The following CDCP1 variants were observed in gnomAD, a reference collection of about 807,000 sequenced individuals.
CDCP1 encodes the protein CUB domain-containing protein 1.
A neutral mutation model predicts 60.2 loss-of-function variants in CDCP1; 29 were observed. The observed-to-expected ratio is 0.48, with a 90% CI of 0.36 to 0.66. CDCP1 has a LOEUF of 0.66. Among genes scored for constraint, CDCP1 ranks in the 30% least tolerant of loss-of-function variants. The probability of loss-of-function intolerance (pLI) is 0.00; values close to 1 mark genes in which losing one functional copy is unlikely to be tolerated. For missense variants in CDCP1, 876 were observed against 1,074.3 expected (o/e 0.82, Z 2.58); for synonymous variants, 387 against 431.1 (o/e 0.90, Z 1.27).
At position 45,091,190 on chromosome 3, in the gene CDCP1, A is replaced by C; in HGVS notation, c.1976T>G (p.Leu659Arg). Residue 659 changes from leucine (L) to arginine (R), a missense_variant, in exon 7 of 9, where the codon CTT (leucine) becomes CGT (arginine). Transcript: ENST00000296129. The surrounding 1 kb of genome is among the most constrained non-coding windows in gnomAD (Gnocchi z 4.8). ...KQLDLLFSVT[L>R]TPRTVDLTVI... ...GCCCTTACCCACAGTCCTTGGGGTA[A>C]GTGTCACCGAGAAGAGCAGGTCTAG... The C allele has an allele frequency of 6.2e-7, 1 of 1,612,946 alleles. No individual in the cohort carries two copies. Among genetic ancestry groups the C allele is most frequent in the Non-Finnish European group, 8.5e-7 (1 of 1,179,686 alleles).
At chr3:45,126,433 AC>A (rs1195709891) in intron 1 of CDCP1, among the ~76,000 whole-genome samples, 2 of 152,014 alleles carry the variant, frequency 1.3e-5, no homozygotes, top group African/African-American at 4.8e-5. Flanking sequence ...ACATCGCCAA[AC>A]TTGGAGTCTT....
At position 45,083,046 on chromosome 3, in the gene CDCP1, C is replaced by T. The variant is rs969646339; in HGVS notation, c.*2592G>A. The T allele has an allele frequency of 6.6e-6, 1 of 152,194 alleles. No homozygotes were observed. Among genetic ancestry groups the T allele is most frequent in the African/African-American group, 2.4e-5 (1 of 41,438 alleles). 9.4% of individuals were successfully genotyped at this position (152,194 alleles called of 1,614,324 possible). On this transcript the variant is annotated 3_prime_UTR_variant, in exon 9 of 9. Transcript: ENST00000296129. ...GCAACAGTGATGTCGGTGATGGTGACAAGTAGCCAGCCTAAGGAAGGCCAA... is the reference window on the plus strand; with the variant it reads ...GCAACAGTGATGTCGGTGATGGTGATAAGTAGCCAGCCTAAGGAAGGCCAA...
intron 3 of CDCP1, 34 bp from the exon 4 acceptor site, chr3:45,110,875 G>A: frequency 6.3e-7 from 1 of 1,587,754 alleles, no homozygotes; most frequent in African/African-American, 1.3e-5. Context: ...AGAAAGAATA[G>A]GGAGCCATTA....
chr3:45,136,170 T>C (rs1699187230), intron 1 of CDCP1, among the ~76,000 whole-genome samples: 1 of 152,174 alleles, frequency 6.6e-6, no homozygotes, highest in Non-Finnish European at 1.5e-5. Context: ...AATTCAGGGA[T>C]GTGAAAAACT....
At chr3:45,087,891 G>C (rs986184875) in intron 8 of CDCP1, among the ~76,000 whole-genome samples, 1 of 152,072 alleles carries the variant, frequency 6.6e-6, no homozygotes, top group Non-Finnish European at 1.5e-5. Flanking sequence ...GCGTGGTGGC[G>C]GGTGCCTGTA....
At chr3:45,105,002 C>T (rs574841836) in intron 4 of CDCP1, among the ~76,000 whole-genome samples, 197 of 152,292 alleles carry the variant, frequency 1.3e-3, no homozygotes, top group African/African-American at 4.6e-3. Flanking sequence ...GAGCCAAGAT[C>T]GTGCCATTGC....
intron 4 of CDCP1, among the ~76,000 whole-genome samples, chr3:45,099,171 C>T (rs55706162): frequency 2.0e-5 from 3 of 150,860 alleles, no homozygotes; most frequent in Admixed American, 6.6e-5. Flanking sequence ...GGATTACAGC[C>T]TTCAGGTGCT....
intron 4 of CDCP1, chr3:45,110,131 T>C: frequency 1.0e-6 from 1 of 1,003,380 alleles, no homozygotes; most frequent in Non-Finnish European, 1.2e-6. Flanking sequence ...TAAGTTCCCA[T>C]CATCATCGCT....
At chr3:45,146,472 C>T, upstream of CDCP1, 1 of 495,030 alleles carries the variant, frequency 2.0e-6, no homozygotes, top group Non-Finnish European at 3.5e-6. Context: ...TCTCTCTCCT[C>T]CTCCTCTTCC....
At chr3:45,100,252 C>T (rs972160660) in intron 4 of CDCP1, among the ~76,000 whole-genome samples, 1 of 152,224 alleles carries the variant, frequency 6.6e-6, no homozygotes, top group African/African-American at 2.4e-5. Context: ...GAGCCTCATG[C>T]TCAGTACTTC....
rs375753008 is a variant in CDCP1, at chr3:45,124,319, C to T, written c.83-5698G>A. On this transcript the variant is annotated intron_variant, in intron 1 of 8. Coordinates refer to ENST00000296129, the MANE Select transcript of CDCP1 (RefSeq NM_022842.5). ...AAGACTGGCAAAATAACTGGCAACC[C>T]GTCTAAAATTTGTAGACGAATTGGA... Among the ~76,000 whole-genome samples the T allele has an allele frequency of 2.2e-3, 342 of 152,252 alleles. 1 individual carries two copies. The highest frequency in any genetic ancestry group is 3.4e-3 in the Non-Finnish European group (234 of 68,028).
At chr3:45,136,137 A>G (rs1306313901) in intron 1 of CDCP1, among the ~76,000 whole-genome samples, 2 of 152,222 alleles carry the variant, frequency 1.3e-5, no homozygotes, top group African/African-American at 2.4e-5. Context: ...GGACTGGGCT[A>G]GATCTTTTCA....
intron 1 of CDCP1, among the ~76,000 whole-genome samples, chr3:45,119,768 T>C (rs7633005): frequency 0.25 from 37,325 of 152,246 alleles, 5,189 homozygotes; most frequent in South Asian, 0.45. Flanking sequence ...TTTGAGAGTT[T>C]TGACAAATGT....
intron 1 of CDCP1, among the ~76,000 whole-genome samples, chr3:45,126,134 C>CTTTCTT (rs1698984588): frequency 7.3e-6 from 1 of 136,690 alleles, no homozygotes; most frequent in Admixed American, 7.5e-5. Context: ...TTCTTTCTTT[C>CTTTCTT]TTTCTTTCTT....
intron 1 of CDCP1, among the ~76,000 whole-genome samples, chr3:45,138,954 G>A (rs903626567): frequency 4.6e-5 from 7 of 152,226 alleles, no homozygotes; most frequent in Non-Finnish European, 1.5e-5. Context: ...CATCTGGTGA[G>A]GGCCTCAGGC....
At position 45,130,528 on chromosome 3, in the gene CDCP1, C is replaced by A. The variant is rs144273340; in HGVS notation, c.83-11907G>T. Among the ~76,000 whole-genome samples, 185 of 152,340 alleles carry A rather than the reference C, an allele frequency of 1.2e-3. No individual in the cohort carries two copies. The South Asian group carries it at 0.012, about 10-fold the overall frequency. ...ATCCTTCTGGACATACACCAAACCC[C>A]TTCTGAGTCGATCTTTGTGCCTGTA... On this transcript the variant is annotated intron_variant, in intron 1 of 8. Coordinates refer to ENST00000296129, the MANE Select transcript of CDCP1 (RefSeq NM_022842.5).
intron 1 of CDCP1, among the ~76,000 whole-genome samples, chr3:45,132,302 TA>T (rs1699114183): frequency 6.6e-6 from 1 of 152,160 alleles, no homozygotes; most frequent in Non-Finnish European, 1.5e-5. Context: ...ATGAGCTGCT[TA>T]AACTAAAAAT....
chr3:45,141,858 G>T (rs1044763908), intron 1 of CDCP1, among the ~76,000 whole-genome samples: 2 of 151,940 alleles, frequency 1.3e-5, no homozygotes, highest in Non-Finnish European at 1.5e-5. Flanking sequence ...TTGAGACAAA[G>T]TCTTGTTCTG....
intron 1 of CDCP1, among the ~76,000 whole-genome samples, chr3:45,145,546 G>A (rs1230717077): frequency 1.3e-5 from 2 of 152,152 alleles, no homozygotes; most frequent in East Asian, 3.9e-4. Context: ...GAGGGGCGCG[G>A]GAATGTCCAG....
Sources: gnomAD v4.1 joint callset for allele counts (sites outside exome capture counted in the v4.1 genomes callset) on GRCh38, gnomAD v4.1.1 for gene constraint, Gnocchi (gnomAD v3.1) non-coding constraint, MANE v1.5 for transcripts, NCBI Gene and HGNC (gene_info 2026-07-23, HGNC 2026-07-21) for gene names.